EPB41L5: variants seen among roughly 807,000 people sequenced by gnomAD.
EPB41L5 encodes erythrocyte membrane protein band 4.1 like 5, also known as band 4.1-like protein 5.
A neutral mutation model predicts 106.6 loss-of-function variants in EPB41L5; 55 were observed. The observed-to-expected ratio is 0.52, with a 90% CI of 0.42 to 0.65. EPB41L5 has a LOEUF of 0.65. Ranked by LOEUF, EPB41L5 falls within the 30% of genes least tolerant of loss-of-function variation. EPB41L5 has a pLI of 0.00. For synonymous variants in EPB41L5, 297 were observed against 306.7 expected, an observed-to-expected ratio of 0.97 and a Z score of 0.33; for missense variants, 871 against 882.1, an observed-to-expected ratio of 0.99 and a Z score of 0.16.
At chr2:120,062,019 A>G (rs993355464) in intron 3 of EPB41L5, among the ~76,000 whole-genome samples, 1 of 152,120 alleles carries the variant, frequency 6.6e-6, no homozygotes, top group Non-Finnish European at 1.5e-5. Flanking sequence ...AGATCCCTAG[A>G]TTAATAATAT....
intron 10 of EPB41L5, among the ~76,000 whole-genome samples, chr2:120,079,659 T>C (rs1441938631): frequency 1.3e-5 from 2 of 152,184 alleles, no homozygotes; most frequent in Non-Finnish European, 2.9e-5. Context: ...ACAACTGGTA[T>C]TACATTTCCT....
rs1208094616 is a variant in EPB41L5 at position 120,177,388 on chromosome 2, C to CGGA, written c.*2482_*2484dup. ...TGCTGAGGGTTTGCCGTGCACGCCT[C>CGGA]GGACGGAGCACGGTGGGGTGGCGGG... On this transcript the variant is annotated 3_prime_UTR_variant, in exon 25 of 25. Coordinates refer to ENST00000263713, the MANE Select transcript of EPB41L5 (RefSeq NM_020909.4). The CGGA allele has an allele frequency of 6.6e-6, 1 of 152,416 alleles. No individual in the cohort carries two copies. Among genetic ancestry groups the CGGA allele is most frequent in the Non-Finnish European group, 1.5e-5 (1 of 68,156 alleles). 9.4% of individuals were successfully genotyped at this position (152,416 alleles called of 1,614,324 possible).
At chr2:120,031,297 T>C (rs1038213272) in intron 2 of EPB41L5, among the ~76,000 whole-genome samples, 1 of 152,196 alleles carries the variant, frequency 6.6e-6, no homozygotes, top group Non-Finnish European at 1.5e-5. Flanking sequence ...AATTCCCCTG[T>C]CTTGATAAAT....
At chr2:120,119,666 GTTAA>G (rs943574114) in intron 16 of EPB41L5, among the ~76,000 whole-genome samples, 2 of 151,590 alleles carry the variant, frequency 1.3e-5, no homozygotes, top group African/African-American at 4.9e-5. Context: ...GATTTATTTA[GTTAA>G]TTAAAGAGAG....
At chr2:120,164,519 T>C (rs1687304248) in intron 21 of EPB41L5, among the ~76,000 whole-genome samples, 1 of 152,138 alleles carries the variant, frequency 6.6e-6, no homozygotes, top group African/African-American at 2.4e-5. Flanking sequence ...GCCAAAATAA[T>C]TTTTTTGTAA....
chr2:120,073,063 G>A, intron 3 of EPB41L5, 115 bp from the exon 4 acceptor site: 1 of 849,472 alleles, frequency 1.2e-6, no homozygotes, highest in Non-Finnish European at 1.8e-6. Context: ...TTTCTCTTGT[G>A]AAGTATTTCC....
Position 120,091,543 on chromosome 2 carries a change from T to C in EPB41L5, c.1044-12T>C, listed in dbSNP as rs779845129. 5.0e-6 allele frequency: 8 copies of C among 1,601,252 alleles called. No individual in the cohort carries two copies. The highest frequency in any genetic ancestry group is 1.7e-5 in the Admixed American group (1 of 59,750). ...CCTAAAATTTCCCTTACTTCTGTTA[T>C]GCCTCATTTAGTGGGAAAACAGAGT... On this transcript the variant is annotated splice_polypyrimidine_tract_variant and intron_variant, in intron 12 of 24. Transcript: ENST00000263713.
intron 2 of EPB41L5, among the ~76,000 whole-genome samples, chr2:120,031,690 C>T (rs567335384): frequency 6.6e-6 from 1 of 152,288 alleles, no homozygotes; most frequent in African/African-American, 2.4e-5. Context: ...TTACTGTTGC[C>T]TAAACATGAT....
intron 19 of EPB41L5, 46 bp from the exon 20 acceptor site, chr2:120,146,179 G>T: frequency 2.6e-6 from 3 of 1,150,676 alleles, no homozygotes; most frequent in Non-Finnish European, 3.9e-6. Context: ...TGTTACTTTA[G>T]TATCCTCAAT....
intron 21 of EPB41L5, 67 bp from the exon 22 acceptor site, chr2:120,164,769 A>G: frequency 9.3e-7 from 1 of 1,077,776 alleles, no homozygotes; most frequent in Non-Finnish European, 1.4e-6. Context: ...TTGAGAGGAT[A>G]TGGAAAAAAC....
At chr2:120,038,069 T>C (rs929618978) in intron 2 of EPB41L5, among the ~76,000 whole-genome samples, 1 of 152,152 alleles carries the variant, frequency 6.6e-6, no homozygotes, top group African/African-American at 2.4e-5. Context: ...TAAAGGACAC[T>C]GCCAAGAGAG....
intron 12 of EPB41L5, 67 bp from the exon 13 acceptor site, chr2:120,091,488 G>C: frequency 1.9e-6 from 2 of 1,077,520 alleles, no homozygotes; most frequent in Admixed American, 1.8e-5. Flanking sequence ...AATGTGGACT[G>C]TCTTATTTGT....
Position 120,131,702 on chromosome 2 carries a change from A to T in EPB41L5, c.1586A>T (p.Asn529Ile). Reference sequence around the variant, plus strand: ...TCCCCTCGATCCAACATCGATGTTAACATAAACAGCCAGGTATTCAGATTT... The same window carrying T: ...TCCCCTCGATCCAACATCGATGTTATCATAAACAGCCAGGTATTCAGATTT... ...LLSPRSNIDV[N>I]INSQEEVVKL... Residue 529 changes from asparagine to isoleucine, a missense_variant, in exon 18 of 25, where the codon AAC becomes ATC. Transcript: ENST00000263713. 1 of 1,613,344 alleles carries T rather than the reference A, an allele frequency of 6.2e-7. No individual in the cohort carries two copies. The highest frequency in any genetic ancestry group is 8.5e-7 in the Non-Finnish European group (1 of 1,179,304).
At chr2:120,095,961 C>T (rs544802681) in intron 14 of EPB41L5, among the ~76,000 whole-genome samples, 12 of 152,230 alleles carry the variant, frequency 7.9e-5, no homozygotes, top group African/African-American at 9.6e-5. Flanking sequence ...TGAACCACCA[C>T]GCCCAGCCGG....
At chr2:120,014,164 A>G (rs932365798) in intron 1 of EPB41L5, among the ~76,000 whole-genome samples, 5 of 152,252 alleles carry the variant, frequency 3.3e-5, no homozygotes, top group Non-Finnish European at 7.3e-5. Flanking sequence ...TCAAAAAGCA[A>G]TTAACCAACC....
At chr2:120,076,942 C>A in intron 7 of EPB41L5, 29 bp from the exon 8 acceptor site, 1 of 1,560,108 alleles carries the variant, frequency 6.4e-7, no homozygotes, top group Non-Finnish European at 8.7e-7. Flanking sequence ...GCAGGAAATA[C>A]ATATAACTTT....
intron 16 of EPB41L5, among the ~76,000 whole-genome samples, chr2:120,120,470 GAAA>G (rs937915212): frequency 2.3e-5 from 3 of 132,478 alleles, no homozygotes; most frequent in African/African-American, 8.2e-5. Context: ...CAAGAAAAAA[GAAA>G]AAAAAGCTGT....
intron 2 of EPB41L5, among the ~76,000 whole-genome samples, chr2:120,022,523 T>C (rs540573567): frequency 6.6e-6 from 1 of 152,246 alleles, no homozygotes; most frequent in Non-Finnish European, 1.5e-5. Flanking sequence ...TCATCCTTTT[T>C]ATGGCTGCAT....
chr2:120,106,816 T>G (rs1462057787), intron 16 of EPB41L5: 4 of 985,278 alleles, frequency 4.1e-6, no homozygotes, highest in African/African-American at 1.7e-5. Flanking sequence ...GGCGTTTACC[T>G]ATCTTGGAGT....
Sources: allele counts gnomAD v4.1 joint callset (sites outside exome capture counted in the v4.1 genomes callset), GRCh38; gene constraint gnomAD v4.1.1; transcripts MANE v1.5; gene names NCBI Gene and HGNC (gene_info 2026-07-23, HGNC 2026-07-21).